FOXP1: variants seen among roughly 807,000 people sequenced by gnomAD.
The protein encoded by FOXP1 is forkhead box P1.
Under a neutral mutation model 98.2 loss-of-function variants are expected in FOXP1, and 15 were observed. That is an observed-to-expected ratio of 0.15 (90% CI 0.10 to 0.24). FOXP1 has a LOEUF of 0.24. FOXP1 is among the 10% of genes least tolerant of loss of function. FOXP1 has a pLI of 1.00. For synonymous variants in FOXP1, 371 were observed against 314.5 expected (o/e 1.18, Z -1.90); for missense variants, 633 against 848.5 (o/e 0.75, Z 3.15).
intron 13 of FOXP1, among the ~76,000 whole-genome samples, chr3:70,998,058 G>A (rs1436324846): frequency 1.3e-5 from 2 of 152,198 alleles, no homozygotes; most frequent in African/African-American, 2.4e-5. Context: ...ATAAAAGCGG[G>A]TGAGCAGAGC....
At chr3:71,574,423 A>C (rs1303889923) in intron 2 of FOXP1, 1 of 152,214 alleles carries the variant, frequency 6.6e-6, no homozygotes, top group Admixed American at 6.5e-5. Context: ...CTTTAGTTGA[A>C]GCCCTGAATA....
intron 12 of FOXP1, among the ~76,000 whole-genome samples, chr3:71,012,205 T>C (rs1354319950): frequency 6.6e-6 from 1 of 152,178 alleles, no homozygotes; most frequent in Non-Finnish European, 1.5e-5. Context: ...ATTCTACAGA[T>C]GGAAGAAATC....
At position 70,997,513 on chromosome 3, in the gene FOXP1, A is replaced by G. The variant is rs9853896; in HGVS notation, c.1062+3459T>C. Among the ~76,000 whole-genome samples the G allele has an allele frequency of 6.3e-3, 961 of 152,318 alleles. 9 individuals are homozygous for G. The highest frequency in any genetic ancestry group is 0.022 in the African/African-American group (923 of 41,562). ...TTAAGGCTTCTCTTAACTGTGTCTC[A>G]GGGCAAGGGTTCTTTAAATACTAAA... On this transcript the variant is annotated intron_variant, in intron 13 of 20. Coordinates refer to ENST00000649528, the MANE Select transcript of FOXP1 (RefSeq NM_001349338.3).
intron 6 of FOXP1, among the ~76,000 whole-genome samples, chr3:71,164,583 C>T (rs1423714851): frequency 1.3e-5 from 2 of 152,182 alleles, no homozygotes; most frequent in Non-Finnish European, 2.9e-5. Flanking sequence ...GGAATTTGAA[C>T]AGAAACTTCC....
At chr3:71,502,502 A>C (rs2041471003) in intron 2 of FOXP1, among the ~76,000 whole-genome samples, 1 of 152,228 alleles carries the variant, frequency 6.6e-6, no homozygotes, top group South Asian at 2.1e-4. Context: ...TTTTAAATTC[A>C]AAACATATTT....
chr3:70,989,837 C>T (rs1179552591), intron 13 of FOXP1, among the ~76,000 whole-genome samples: 1 of 152,024 alleles, frequency 6.6e-6, no homozygotes, highest in Non-Finnish European at 1.5e-5. Flanking sequence ...GCAATTATAC[C>T]TTGTACCACT....
chr3:71,075,709 T>A (rs2053734043), intron 7 of FOXP1, among the ~76,000 whole-genome samples: 1 of 54,386 alleles, frequency 1.8e-5, no homozygotes, highest in African/African-American at 9.3e-5. Context: ...CCCACTGGGT[T>A]TTTTTTGTTT....
chr3:71,385,974 C>G (rs1000078042), intron 3 of FOXP1, among the ~76,000 whole-genome samples: 2 of 152,190 alleles, frequency 1.3e-5, no homozygotes, highest in Admixed American at 1.3e-4. Context: ...CCTCAAGCCA[C>G]ATCCAAACCT....
intron 11 of FOXP1, among the ~76,000 whole-genome samples, chr3:71,029,969 C>G (rs1030751356): frequency 1.3e-5 from 2 of 152,118 alleles, no homozygotes; most frequent in African/African-American, 4.8e-5. Flanking sequence ...ACTATGTGCT[C>G]AGCAACTAAA....
intron 6 of FOXP1, among the ~76,000 whole-genome samples, chr3:71,167,639 G>A (rs1175225720): frequency 6.6e-6 from 1 of 152,166 alleles, no homozygotes; most frequent in African/African-American, 2.4e-5. Flanking sequence ...TCCCAAGAAA[G>A]TCTTAAGAGG....
intron 19 of FOXP1, chr3:70,968,911 C>A (rs2107110177): frequency 6.6e-6 from 1 of 152,314 alleles, no homozygotes; most frequent in Non-Finnish European, 1.5e-5. Flanking sequence ...AAACAATCCA[C>A]TTCTCAAATC....
rs11293559 is a variant in FOXP1 at position 71,321,121 on chromosome 3, CAAAA to C, written c.-72-21245_-72-21242del. ...AACAGTGTCCTAATTTAGACTGTACCAAAAAAAAAAAAAAAAAGGAAAAAAAACG... is the reference window on the plus strand; with the variant it reads ...AACAGTGTCCTAATTTAGACTGTACCAAAAAAAAAAAAAGGAAAAAAAACG... On this transcript the variant is annotated intron_variant, in intron 4 of 20. Coordinates refer to ENST00000649528, the MANE Select transcript of FOXP1 (RefSeq NM_001349338.3). Among the ~76,000 whole-genome samples, 14 of 121,968 alleles carry C rather than the reference CAAAA, an allele frequency of 1.1e-4. No individual in the cohort carries two copies. In the East Asian group the frequency reaches 2.4e-3, roughly 20 times the overall value. The allele number at this position is 121,968 out of a possible 152,430, so 80.0% of individuals were successfully genotyped here.
intron 3 of FOXP1, among the ~76,000 whole-genome samples, chr3:71,428,441 A>C (rs1006981064): frequency 6.6e-6 from 1 of 152,276 alleles, no homozygotes; most frequent in African/African-American, 2.4e-5. Context: ...CAGCAGTAGA[A>C]GTTGACAGAG....
intron 4 of FOXP1, among the ~76,000 whole-genome samples, chr3:71,331,084 G>A (rs1275418744): frequency 1.3e-5 from 2 of 152,224 alleles, no homozygotes; most frequent in Non-Finnish European, 2.9e-5. Flanking sequence ...GCCCTTTCTG[G>A]GCTAGCCAAG....
intron 2 of FOXP1, among the ~76,000 whole-genome samples, chr3:71,532,786 G>A (rs1031544881): frequency 3.9e-5 from 6 of 152,116 alleles, no homozygotes; most frequent in African/African-American, 1.4e-4. Flanking sequence ...ACAGAGAACA[G>A]AAAGTGCCGT....
At chr3:71,017,794 T>C (rs565430773) in intron 11 of FOXP1, among the ~76,000 whole-genome samples, 6 of 152,186 alleles carry the variant, frequency 3.9e-5, no homozygotes, top group Non-Finnish European at 7.3e-5. Flanking sequence ...CATGCCAATA[T>C]TATCACAACT....
intron 7 of FOXP1, among the ~76,000 whole-genome samples, chr3:71,055,318 C>T (rs1052189273): frequency 5.3e-5 from 8 of 152,118 alleles, no homozygotes; most frequent in African/African-American, 1.4e-4. Flanking sequence ...GTGCCAGTGT[C>T]GTGTGTTTGG....
chr3:71,215,625 T>C (rs986186968), intron 5 of FOXP1, among the ~76,000 whole-genome samples: 2 of 152,016 alleles, frequency 1.3e-5, no homozygotes, highest in African/African-American at 4.8e-5. Context: ...CATCATAAAA[T>C]GAACGTGAAC....
At chr3:71,365,875 A>C (rs1436866728) in intron 3 of FOXP1, among the ~76,000 whole-genome samples, 2 of 152,088 alleles carry the variant, frequency 1.3e-5, no homozygotes, top group Non-Finnish European at 2.9e-5. Context: ...CCCAGCTACT[A>C]GGGAGGCTGA....
Sources: gnomAD v4.1 joint callset for allele counts (sites outside exome capture counted in the v4.1 genomes callset) on GRCh38, gnomAD v4.1.1 for gene constraint, MANE v1.5 for transcripts, NCBI Gene and HGNC (gene_info 2026-07-23, HGNC 2026-07-21) for gene names.